The following DRC8 variants were observed in gnomAD, a reference collection of about 807,000 sequenced individuals.
DRC8 encodes dynein regulatory complex subunit 8, also known as dynein regulatory complex protein 8.
At chr1:245,065,073 C>CTTTTTTTTTTTTTTTTTTT in the DRC8 span, among the ~76,000 whole-genome samples, 66 of 81,582 alleles carry the variant, frequency 8.1e-4, no homozygotes, top group South Asian at 9.8e-4. Context: ...TAACATTCTT[C>CTTTTTTTTTTTTTTTTTTT]TTTTTTTTTT....
chr1:244,993,524 T>G, the DRC8 span, among the ~76,000 whole-genome samples: 1 of 152,234 alleles, frequency 6.6e-6, no homozygotes, highest in African/African-American at 2.4e-5. Flanking sequence ...TACTTGCCCC[T>G]TACCACTCAA....
the DRC8 span, among the ~76,000 whole-genome samples, chr1:245,096,674 A>T: frequency 6.6e-6 from 1 of 152,240 alleles, no homozygotes; most frequent in Non-Finnish European, 1.5e-5. Context: ...TTCATAGAGG[A>T]AGTGGCAGGA....
At chr1:245,034,865 T>G in the DRC8 span, among the ~76,000 whole-genome samples, 1 of 151,502 alleles carries the variant, frequency 6.6e-6, no homozygotes, top group African/African-American at 2.4e-5. Context: ...TGAAAGTTTT[T>G]TTTTTTTTTT....
the DRC8 span, among the ~76,000 whole-genome samples, chr1:245,111,837 A>G: frequency 1.5e-4 from 23 of 152,208 alleles, no homozygotes; most frequent in East Asian, 3.7e-3. Context: ...AGAGTTCAAG[A>G]CCAGCCTGGG....
the DRC8 span, among the ~76,000 whole-genome samples, chr1:245,068,006 CCATCCAGCCATTACTTCGAG>C: frequency 3.9e-5 from 2 of 51,686 alleles, no homozygotes; most frequent in East Asian, 1.7e-3. Flanking sequence ...GTAATGGCTA[CCATCCAGCCATTACTTCGAG>C]TAGCATCAGG....
the DRC8 span, among the ~76,000 whole-genome samples, chr1:245,090,187 A>T: frequency 6.6e-6 from 1 of 152,180 alleles, no homozygotes; most frequent in Non-Finnish European, 1.5e-5. Context: ...CGTGGGGCTA[A>T]CGCATGAGGG....
At chr1:245,006,805 A>G in the DRC8 span, among the ~76,000 whole-genome samples, 1 of 152,104 alleles carries the variant, frequency 6.6e-6, no homozygotes. Context: ...ATGGTGGCAC[A>G]GGCCTGCAGT....
At chr1:245,000,125 G>T in the DRC8 span, among the ~76,000 whole-genome samples, 1 of 152,200 alleles carries the variant, frequency 6.6e-6, no homozygotes, top group Non-Finnish European at 1.5e-5. Flanking sequence ...GGCCAATAAA[G>T]TTTAATTTTT....
At chr1:245,091,852 C>A in the DRC8 span, 2 of 152,262 alleles carry the variant, frequency 1.3e-5, no homozygotes, top group African/African-American at 2.4e-5. Context: ...AGCTCACTGA[C>A]CTCGCCCGCA....
At chr1:245,006,968 CAAA>C in the DRC8 span, among the ~76,000 whole-genome samples, 2 of 132,738 alleles carry the variant, frequency 1.5e-5, no homozygotes, top group African/African-American at 5.0e-5. Context: ...ACAACAACAA[CAAA>C]AAACCCCAGA....
At chr1:244,970,623 C>A in the DRC8 span, 1 of 557,354 alleles carries the variant, frequency 1.8e-6, no homozygotes, top group South Asian at 2.4e-5. Flanking sequence ...CCCCGTAGCC[C>A]GCCCGGCCCG....
the DRC8 span, among the ~76,000 whole-genome samples, chr1:245,022,183 T>C: frequency 6.6e-6 from 1 of 151,710 alleles, no homozygotes; most frequent in Non-Finnish European, 1.5e-5. Flanking sequence ...TCTCACTCTA[T>C]TGCCCAGGCA....
chr1:245,119,238 A>G, the DRC8 span, among the ~76,000 whole-genome samples: 1 of 152,188 alleles, frequency 6.6e-6, no homozygotes, highest in Non-Finnish European at 1.5e-5. Context: ...TCTCACTTCT[A>G]GTGGTCAAAA....
At chr1:245,062,165 T>C in the DRC8 span, among the ~76,000 whole-genome samples, 1 of 152,300 alleles carries the variant, frequency 6.6e-6, no homozygotes, top group South Asian at 2.1e-4. Flanking sequence ...TAAAATTCTC[T>C]GGTTGTCATG....
At chr1:245,100,675 G>A in the DRC8 span, among the ~76,000 whole-genome samples, 1 of 151,818 alleles carries the variant, frequency 6.6e-6, no homozygotes, top group African/African-American at 2.4e-5. Context: ...CAGCTACTCA[G>A]GGGGCTGAGT....
the DRC8 span, among the ~76,000 whole-genome samples, chr1:245,080,766 T>C: frequency 6.6e-6 from 1 of 152,328 alleles, no homozygotes; most frequent in South Asian, 2.1e-4. Context: ...CCTCAAGCAG[T>C]GTGCTCTTCC....
the DRC8 span, among the ~76,000 whole-genome samples, chr1:245,081,853 G>T: frequency 6.6e-6 from 1 of 152,270 alleles, no homozygotes; most frequent in African/African-American, 2.4e-5. Context: ...TTTGGTTGCT[G>T]TTTCTTGATT....
chr1:245,012,691 A>G, the DRC8 span, among the ~76,000 whole-genome samples: 1 of 152,152 alleles, frequency 6.6e-6, no homozygotes, highest in Non-Finnish European at 1.5e-5. Flanking sequence ...TATTTAATTT[A>G]GAGATCTATA....
chr1:244,979,182 A>G, the DRC8 span, among the ~76,000 whole-genome samples: 293 of 152,004 alleles, frequency 1.9e-3, 1 homozygote, highest in Non-Finnish European at 9.7e-4. Flanking sequence ...CTTAACTTCC[A>G]AAAGGATAGG....
Sources: allele counts gnomAD v4.1 joint callset (sites outside exome capture counted in the v4.1 genomes callset), GRCh38; gene constraint gnomAD v4.1.1; transcripts MANE v1.5; gene names NCBI Gene and HGNC (gene_info 2026-07-23, HGNC 2026-07-21).